CADM2: variants seen among roughly 807,000 people sequenced by gnomAD.
CADM2 encodes the protein immunoglobulin superfamily member 4D.
Under a neutral mutation model 49.8 loss-of-function variants are expected in CADM2, and 12 were observed. That is an observed-to-expected ratio of 0.24 (90% CI 0.15 to 0.39). The LOEUF (loss-of-function observed/expected upper bound fraction) is 0.39, where lower values mean the gene tolerates loss of function less well. Among genes scored for constraint, CADM2 ranks in the 10% least tolerant of loss-of-function variants. The probability of loss-of-function intolerance (pLI) is 1.00; values close to 1 mark genes in which losing one functional copy is unlikely to be tolerated. For synonymous variants in CADM2, 214 were observed against 175.4 expected (o/e 1.22, Z -1.74); for missense variants, 378 against 492.3 (o/e 0.77, Z 2.20).
chr3:85,707,451 C>A (rs1402981442), intron 1 of CADM2, among the ~76,000 whole-genome samples: 1 of 141,970 alleles, frequency 7.0e-6, no homozygotes, highest in Non-Finnish European at 1.5e-5. Flanking sequence ...GTAGCCAGGA[C>A]ATTTTCATAA....
intron 2 of CADM2, among the ~76,000 whole-genome samples, chr3:85,741,119 T>A (rs2068364974): frequency 6.6e-6 from 1 of 152,152 alleles, no homozygotes; most frequent in South Asian, 2.1e-4. Context: ...CTGAAGGAAT[T>A]AATAGAACTC....
chr3:85,610,832 T>C (rs921361880), intron 1 of CADM2, among the ~76,000 whole-genome samples: 63 of 152,134 alleles, frequency 4.1e-4, no homozygotes, highest in African/African-American at 1.5e-3. Context: ...TATGAATATC[T>C]TTTTATTTGA....
In CADM2 at chr3:85,432,977, A is replaced by C. The variant is rs542311494; in HGVS notation, c.62-293545A>C. On this transcript the variant is annotated intron_variant, in intron 1 of 9. Coordinates refer to ENST00000383699, the MANE Select transcript of CADM2 (RefSeq NM_001167675.2). Reference sequence around the variant, plus strand: ...TGTTTGATATTCATTTGAGAAAAAAAATACAACAATACCAAATTCTAAGCA... The same window carrying C: ...TGTTTGATATTCATTTGAGAAAAAACATACAACAATACCAAATTCTAAGCA... 2.0e-5 allele frequency among the ~76,000 whole-genome samples: 3 copies of C among 152,222 alleles called. No individual in the cohort carries two copies. The South Asian group carries it at 6.2e-4, about 32-fold the overall frequency.
At chr3:85,034,768 C>G (rs112270693) in intron 1 of CADM2, among the ~76,000 whole-genome samples, 4,817 of 111,642 alleles carry the variant, frequency 0.043, 95 homozygotes, top group Middle Eastern at 0.09. Context: ...TATTGCCTAT[C>G]TTTTAGATAA....
intron 1 of CADM2, among the ~76,000 whole-genome samples, chr3:85,665,153 A>G (rs1169828631): frequency 6.6e-6 from 1 of 151,964 alleles, no homozygotes; most frequent in Non-Finnish European, 1.5e-5. Context: ...AGCATTTTCA[A>G]TTTGAAGCCT....
At chr3:86,024,587 G>A (rs1017630934) in intron 8 of CADM2, among the ~76,000 whole-genome samples, 1 of 152,042 alleles carries the variant, frequency 6.6e-6, no homozygotes, top group African/African-American at 2.4e-5. Flanking sequence ...TTAATACATT[G>A]AATCCACAAT....
chr3:85,334,866 T>C (rs933796235), intron 1 of CADM2, among the ~76,000 whole-genome samples: 2 of 151,402 alleles, frequency 1.3e-5, no homozygotes, highest in Non-Finnish European at 3.0e-5. Context: ...AGTTTTTATA[T>C]TGAGAGTGAA....
chr3:85,076,430 C>T (rs2036946843), intron 1 of CADM2, among the ~76,000 whole-genome samples: 2 of 151,850 alleles, frequency 1.3e-5, no homozygotes, highest in East Asian at 2.0e-4. Context: ...TCACGGCAAC[C>T]TCCGCCTCCA....
intron 1 of CADM2, among the ~76,000 whole-genome samples, chr3:85,009,434 C>T (rs1321469102): frequency 1.3e-5 from 2 of 152,140 alleles, no homozygotes; most frequent in African/African-American, 4.8e-5. Flanking sequence ...CTTTGGATAA[C>T]TCACTTAACT....
At chr3:86,014,920 A>G in intron 8 of CADM2, 1 of 1,515,728 alleles carries the variant, frequency 6.6e-7, no homozygotes, top group Non-Finnish European at 9.1e-7. Flanking sequence ...GTTGAGAATG[A>G]GTGGTATGAA....
In CADM2 at chr3:85,198,315, A is replaced by G. The variant is rs536726120; in HGVS notation, c.61+238647A>G. ...TTATTCATATATAATTTTTAGCAAT[A>G]TTAGAATGTCCTTTGGTACAGCTGC... On this transcript the variant is annotated intron_variant, in intron 1 of 9. Transcript: ENST00000383699. 4.6e-5 allele frequency among the ~76,000 whole-genome samples: 7 copies of G among 151,864 alleles called. No homozygotes were observed. The East Asian group carries it at 1.2e-3, about 25-fold the overall frequency.
chr3:85,417,948 A>T (rs575109338), intron 1 of CADM2, among the ~76,000 whole-genome samples: 2 of 152,312 alleles, frequency 1.3e-5, no homozygotes, highest in African/African-American at 2.4e-5. Flanking sequence ...ATAAGTATCA[A>T]TGTTGCTGGT....
In CADM2 at chr3:85,907,677, G is replaced by A. The variant is rs762927233; in HGVS notation, c.530-4696G>A. Among the ~76,000 whole-genome samples, 21 of 152,206 alleles carry A rather than the reference G, an allele frequency of 1.4e-4. No individual in the cohort carries two copies. The Middle Eastern group carries it at 0.01, about 74-fold the overall frequency. ...TATAATCCTAGCACTTTGGGAGGCC[G>A]TGGCAGGCAGATCACCTGAGGTCAG... On this transcript the variant is annotated intron_variant, in intron 5 of 9. Coordinates refer to ENST00000383699, the MANE Select transcript of CADM2 (RefSeq NM_001167675.2).
At chr3:85,735,978 A>C (rs571406480) in intron 2 of CADM2, among the ~76,000 whole-genome samples, 1 of 152,282 alleles carries the variant, frequency 6.6e-6, no homozygotes, top group African/African-American at 2.4e-5. Context: ...TCATGTGGAC[A>C]GTCAATAAAA....
Position 85,813,724 on chromosome 3 carries a change from A to G in CADM2, c.238+11528A>G, listed in dbSNP as rs572296745. On this transcript the variant is annotated intron_variant, in intron 3 of 9. Transcript: ENST00000383699. Reference sequence around the variant, plus strand: ...TTGAGTTGTTTTTTGTATAAGGTGTAGGGAAGGGGTCCAGTTTCAGTTTTC... The same window carrying G: ...TTGAGTTGTTTTTTGTATAAGGTGTGGGGAAGGGGTCCAGTTTCAGTTTTC... 2.0e-5 allele frequency among the ~76,000 whole-genome samples: 3 copies of G among 152,304 alleles called. No homozygotes were observed. In the East Asian group the frequency reaches 5.8e-4, roughly 29 times the overall value.
intron 3 of CADM2, among the ~76,000 whole-genome samples, chr3:85,816,261 C>G (rs1391144408): frequency 6.7e-6 from 1 of 150,034 alleles, no homozygotes; most frequent in African/African-American, 2.5e-5. Flanking sequence ...AAACTTAGCT[C>G]TAGAGCACCA....
At position 85,321,091 on chromosome 3, in the gene CADM2, C is replaced by CGTATAT. The variant is rs1430604188; in HGVS notation, c.61+361423_61+361424insGTATAT. Among the ~76,000 whole-genome samples the CGTATAT allele has an allele frequency of 1.9e-4, 12 of 64,760 alleles. No homozygotes were observed. The South Asian group carries it at 8.6e-3, about 46-fold the overall frequency. 42.5% of individuals were successfully genotyped at this position (64,760 alleles called of 152,430 possible). The stretch of plus-strand genomic sequence containing the variant: ...TAAATGTACTCATAATAGATATATA[C>CGTATAT]ATATATATATATATATATATATATA... On this transcript the variant is annotated intron_variant, in intron 1 of 9. Transcript: ENST00000383699.
chr3:85,553,538 C>T (rs1356641109), intron 1 of CADM2, among the ~76,000 whole-genome samples: 3 of 152,070 alleles, frequency 2.0e-5, no homozygotes, highest in Non-Finnish European at 4.4e-5. Context: ...TTCTACTTAA[C>T]GGATATGTGT....
chr3:85,009,652 A>T (rs1456157487), intron 1 of CADM2, among the ~76,000 whole-genome samples: 1 of 152,002 alleles, frequency 6.6e-6, no homozygotes, highest in Non-Finnish European at 1.5e-5. Context: ...GATTGCCTGA[A>T]CTCAGGAGTT....
Sources: allele counts gnomAD v4.1 joint callset (sites outside exome capture counted in the v4.1 genomes callset), GRCh38; gene constraint gnomAD v4.1.1; transcripts MANE v1.5; gene names NCBI Gene and HGNC (gene_info 2026-07-23, HGNC 2026-07-21).